TTLL1: variants seen among roughly 807,000 people sequenced by gnomAD.
The protein encoded by TTLL1 is TTL family tubulin polyglutamylase complex subunit L1.
TTLL1 carries 33 observed loss-of-function variants against 47.8 expected under a neutral mutation model. The observed-to-expected ratio is 0.69, with a 90% CI of 0.52 to 0.92. TTLL1 has a LOEUF of 0.92. Among genes scored for constraint, TTLL1 ranks in the 40% least tolerant of loss-of-function variants. The probability of loss-of-function intolerance (pLI) is 0.00; values close to 1 mark genes in which losing one functional copy is unlikely to be tolerated. For synonymous variants in TTLL1, 225 were observed against 214.1 expected, an observed-to-expected ratio of 1.05 and a Z score of -0.45; for missense variants, 488 against 547.5, an observed-to-expected ratio of 0.89 and a Z score of 1.08.
At chr22:43,043,297 C>A (rs1413942769) in intron 10 of TTLL1, among the ~76,000 whole-genome samples, 1 of 151,938 alleles carries the variant, frequency 6.6e-6, no homozygotes, top group African/African-American at 2.4e-5. Context: ...TCAAGAAGTC[C>A]ACAGGCTGGA....
At chr22:43,052,830 A>G (rs980294796) in intron 8 of TTLL1, among the ~76,000 whole-genome samples, 2 of 151,978 alleles carry the variant, frequency 1.3e-5, no homozygotes, top group Admixed American at 1.3e-4. Flanking sequence ...AGGCGGAGGC[A>G]GGTGGATCAC....
chr22:43,058,984 C>T (rs1041145246), intron 8 of TTLL1, among the ~76,000 whole-genome samples: 7 of 150,792 alleles, frequency 4.6e-5, no homozygotes, highest in Admixed American at 2.6e-4. Flanking sequence ...TTAACCAACG[C>T]GCCCAGCCTG....
At chr22:43,064,451 C>T (rs547539860) in intron 5 of TTLL1, 127 bp from the exon 6 acceptor site, 18 of 1,143,776 alleles carry the variant, frequency 1.6e-5, no homozygotes, top group South Asian at 3.3e-5. Flanking sequence ...TTTGGCTGGG[C>T]GCGGTGGCTC....
chr22:43,084,274 C>T (rs1454601048), intron 1 of TTLL1, among the ~76,000 whole-genome samples: 21 of 151,630 alleles, frequency 1.4e-4, no homozygotes, highest in African/African-American at 5.1e-4. Context: ...CCTCAGCCTC[C>T]TGAGTAGCTG....
At chr22:43,048,512 A>C (rs1926335997) in intron 9 of TTLL1, among the ~76,000 whole-genome samples, 1 of 149,854 alleles carries the variant, frequency 6.7e-6, no homozygotes, top group South Asian at 2.1e-4. Flanking sequence ...AGTGGCACAC[A>C]CCTCTACTCC....
chr22:43,046,565 C>A lies in TTLL1; in HGVS notation c.987G>T (p.Ala329=), dbSNP rs567371319. 8 of 1,613,790 alleles carry A rather than the reference C, an allele frequency of 5.0e-6. No homozygotes were observed. Among genetic ancestry groups the A allele is most frequent in the Non-Finnish European group, 6.8e-6 (8 of 1,179,858 alleles). The change falls in exon 10 of 11, where the codon GCG becomes GCT. Residue 329 remains alanine (A), a synonymous_variant. Transcript: ENST00000266254. ...KLKPWLIEVN[A]SPSLTSSTAN... ...CAGTGCTGGACGTGAGAGACGGGGA[C>A]GCATTCACCTGTGAGATGAAAGACC...
chr22:43,075,508 G>T lies in TTLL1; in HGVS notation c.79C>A (p.Gln27Lys), dbSNP rs751020424. Residue 27 changes from glutamine to lysine, a missense_variant, in exon 3 of 11, where the codon CAA becomes AAA. Physicochemically the swap from Gln to Lys is moderately conservative, Grantham distance 53 (BLOSUM62 1). Transcript: ENST00000266254. ...TTCCAGTCCTCGTTTTCTGTCACTT[G>T]GACCCATCCTCTCTTTTCAAAGTTA... ...INNFEKRGWV[Q>K]VTENEDWNFY... 6.2e-6 allele frequency: 10 copies of T among 1,613,992 alleles called. No homozygotes were observed. The South Asian group carries it at 1.1e-4, about 18-fold the overall frequency.
intron 3 of TTLL1, chr22:43,070,108 G>A: frequency 5.3e-6 from 7 of 1,322,556 alleles, no homozygotes; most frequent in Non-Finnish European, 7.4e-6. Flanking sequence ...GCACTCAATA[G>A]ATGTTTATTG....
intron 9 of TTLL1, 35 bp downstream of exon 9, chr22:43,051,766 G>A (rs1295473311): frequency 1.2e-6 from 2 of 1,601,046 alleles, no homozygotes; most frequent in South Asian, 1.1e-5. Flanking sequence ...GGGGCTATGT[G>A]TGGTGTGACC....
Position 43,056,011 on chromosome 22 carries a change from C to T in TTLL1, c.891+3373G>A, listed in dbSNP as rs1601669667. On this transcript the variant is annotated intron_variant, in intron 8 of 10. Coordinates refer to ENST00000266254, the MANE Select transcript of TTLL1 (RefSeq NM_012263.5). Reference sequence around the variant, plus strand: ...CCTCCTGCCTCTGCCTCCCTAAGAGCTGGGATTACAGGCGTGAGCCACCAT... The same window carrying T: ...CCTCCTGCCTCTGCCTCCCTAAGAGTTGGGATTACAGGCGTGAGCCACCAT... Among the ~76,000 whole-genome samples, 3 of 152,082 alleles carry T rather than the reference C, an allele frequency of 2.0e-5. No homozygotes were observed. In the South Asian group the frequency reaches 6.2e-4, roughly 32 times the overall value.
At chr22:43,087,244 T>C (rs925794030) in intron 1 of TTLL1, among the ~76,000 whole-genome samples, 1 of 152,230 alleles carries the variant, frequency 6.6e-6, no homozygotes, top group Non-Finnish European at 1.5e-5. Context: ...GGCCCACATG[T>C]GAGCAGCACC....
chr22:43,046,693 G>C, intron 9 of TTLL1, 120 bp from the exon 10 acceptor site: 1 of 1,196,726 alleles, frequency 8.4e-7, no homozygotes, highest in Non-Finnish European at 1.2e-6. Context: ...TTTTGAGACA[G>C]AGTTTCGCTC....
intron 3 of TTLL1, chr22:43,070,054 A>T (rs112085557): frequency 8.5e-7 from 1 of 1,176,836 alleles, no homozygotes; most frequent in Non-Finnish European, 1.2e-6. Flanking sequence ...GAGGGCCAGG[A>T]GCTGTGCTGA....
intron 1 of TTLL1, among the ~76,000 whole-genome samples, chr22:43,080,902 C>CCTTTTTTT (rs1928832735): frequency 1.4e-5 from 1 of 69,284 alleles, no homozygotes; most frequent in Non-Finnish European, 2.6e-5. Context: ...TGTTGCATGA[C>CCTTTTTTT]TTTTTTTTTT....
chr22:43,066,158 CA>C (rs34092819), intron 5 of TTLL1, among the ~76,000 whole-genome samples: 1,363 of 93,372 alleles, frequency 0.015, 11 homozygotes, highest in East Asian at 0.039. Flanking sequence ...GACACTGTCT[CA>C]AAAAAAAAAA....
intron 1 of TTLL1, among the ~76,000 whole-genome samples, chr22:43,081,272 C>T (rs1341108052): frequency 6.6e-5 from 10 of 152,070 alleles, no homozygotes; most frequent in Admixed American, 6.6e-4. Context: ...CCCCATCCAT[C>T]CTGCCTGACC....
In TTLL1 at chr22:43,063,907, A is replaced by C; in HGVS notation, c.653T>G (p.Phe218Cys). The change falls in exon 7 of 11, where the codon TTT becomes TGT. Residue 218 changes from phenylalanine (F) to cysteine (C), a missense_variant. Physicochemically the swap from Phe to Cys is radical, Grantham distance 205. Coordinates refer to ENST00000266254, the MANE Select transcript of TTLL1 (RefSeq NM_012263.5). ...PLRCYMYKLG[F>C]CRFCTVKYTP... ...GTATTTCACTGTGCAGAACCGGCAA[A>C]ACCCAAGCTTGTACCTAGGAGGGAA... 6.2e-7 allele frequency: 1 copy of C among 1,614,134 alleles called. No individual in the cohort carries two copies. The highest frequency in any genetic ancestry group is 8.5e-7 in the Non-Finnish European group (1 of 1,180,026).
At chr22:43,066,114 G>A (rs1927715951) in intron 5 of TTLL1, among the ~76,000 whole-genome samples, 1 of 148,830 alleles carries the variant, frequency 6.7e-6, no homozygotes, top group African/African-American at 2.5e-5. Context: ...AGCTGAGATC[G>A]CACCACTGCA....
At chr22:43,073,101 G>A (rs1374599231) in intron 3 of TTLL1, among the ~76,000 whole-genome samples, 1 of 150,920 alleles carries the variant, frequency 6.6e-6, no homozygotes, top group African/African-American at 2.4e-5. Flanking sequence ...TGCAACCTCC[G>A]CCTCCTGGGT....
Sources: gnomAD v4.1 joint callset for allele counts (sites outside exome capture counted in the v4.1 genomes callset) on GRCh38, gnomAD v4.1.1 for gene constraint, MANE v1.5 for transcripts, NCBI Gene and HGNC (gene_info 2026-07-23, HGNC 2026-07-21) for gene names.